The following MOK variants were observed in gnomAD, a reference collection of about 807,000 sequenced individuals.
The protein encoded by MOK is MOK protein kinase, also known as MAPK/MAK/MRK overlapping kinase.
MOK carries 59 observed loss-of-function variants against 54.2 expected under a neutral mutation model. That is an observed-to-expected ratio of 1.09 (90% confidence interval 0.88 to 1.35). MOK has a LOEUF of 1.35. Among genes scored for constraint, MOK ranks in the 40% most tolerant of loss-of-function variants. The pLI is 0.00. For synonymous variants in MOK, 210 were observed against 202.7 expected (o/e 1.04, Z -0.31); for missense variants, 517 against 526.2 (o/e 0.98, Z 0.17).
In MOK at chr14:102,230,889, T is replaced by C. The variant is rs2064630935; in HGVS notation, c.981+818A>G. Reference sequence around the variant, plus strand: ...GAAGGGGTTTCAGCAAGTCTGTCTTTCGGACATTCAAGTGGAGCTGTCAAA... The same window carrying C: ...GAAGGGGTTTCAGCAAGTCTGTCTTCCGGACATTCAAGTGGAGCTGTCAAA... On this transcript the variant is annotated intron_variant, in intron 10 of 11. Coordinates refer to ENST00000361847, the MANE Select transcript of MOK (RefSeq NM_014226.3). The surrounding 1 kb of genome is among the most constrained non-coding windows in gnomAD (Gnocchi z 4.1). The C allele has an allele frequency of 6.6e-6, 1 of 152,284 alleles. No homozygotes were observed. Among genetic ancestry groups the C allele is most frequent in the East Asian group, 1.9e-4 (1 of 5,194 alleles). The allele number at this position is 152,284 out of a possible 1,614,324, so 9.4% of individuals were successfully genotyped here. A position where few individuals can be genotyped will look rare whatever the true frequency, so the allele number is the denominator to read the frequency against.
chr14:102,266,459 T>C (rs1174292561), intron 2 of MOK, among the ~76,000 whole-genome samples: 1 of 151,780 alleles, frequency 6.6e-6, no homozygotes, highest in Non-Finnish European at 1.5e-5. Context: ...TGCATCCCAC[T>C]ATGCCCTCTC....
downstream of MOK, among the ~76,000 whole-genome samples, chr14:102,220,750 A>G: frequency 6.6e-6 from 1 of 151,758 alleles, no homozygotes; most frequent in South Asian, 2.1e-4. This position sits in a 1 kb window ranked among gnomAD's most constrained non-coding sequence, Gnocchi z 4.2. Context: ...AAATATTAAA[A>G]TTAATGTCAC....
intron 1 of MOK, among the ~76,000 whole-genome samples, chr14:102,286,298 CAAAAAAAAAAAAA>C (rs60479729): frequency 7.8e-5 from 2 of 25,586 alleles, no homozygotes; most frequent in Non-Finnish European, 1.6e-4. Flanking sequence ...GACTCCGTCT[CAAAAAAAAAAAAA>C]AAAAAAAAAA....
At position 102,251,770 on chromosome 14, in the gene MOK, T is replaced by C. The variant is rs2066546845; in HGVS notation, c.397A>G (p.Asn133Asp). ...GIFHRDVKPE[N>D]ILIKQDVLKL... Reference sequence around the variant, plus strand: ...AAAGCTCTTACCTTTATTAGTATATTTTCTGGTTTTACATCTCTGTGAAAT... The same window carrying C: ...AAAGCTCTTACCTTTATTAGTATATCTTCTGGTTTTACATCTCTGTGAAAT... Residue 133 changes from asparagine (N) to aspartate (D), a missense_variant, in exon 6 of 12, where the codon AAT becomes GAT. Coordinates refer to ENST00000361847, the MANE Select transcript of MOK (RefSeq NM_014226.3). 2 of 1,569,006 alleles carry C rather than the reference T, an allele frequency of 1.3e-6. No individual in the cohort carries two copies. Among genetic ancestry groups the C allele is most frequent in the Non-Finnish European group, 1.8e-6 (2 of 1,140,894 alleles).
intron 8 of MOK, 48 bp downstream of exon 8, chr14:102,233,640 C>T (rs775293523): frequency 2.2e-5 from 34 of 1,512,586 alleles, no homozygotes; most frequent in Non-Finnish European, 3.1e-5. Flanking sequence ...TGCTGCAGGT[C>T]CTAGCAGGGG....
At chr14:102,224,519 T>G (rs1322858562), downstream of MOK, 1 of 450,272 alleles carries the variant, frequency 2.2e-6, no homozygotes, top group African/African-American at 2.0e-5. Flanking sequence ...AGCTTTATTT[T>G]GTGAGACTTT....
Position 102,229,165 on chromosome 14 carries a change from G to C in MOK, c.*124C>G. The C allele has an allele frequency of 9.4e-7, 1 of 1,059,648 alleles. No homozygotes were observed. The highest frequency in any genetic ancestry group is 2.6e-5 in the East Asian group (1 of 38,814). 65.6% of individuals were successfully genotyped at this position (1,059,648 alleles called of 1,614,324 possible). A position where few individuals can be genotyped will look rare whatever the true frequency, so the allele number is the denominator to read the frequency against. On this transcript the variant is annotated 3_prime_UTR_variant, in exon 12 of 12. Coordinates refer to ENST00000361847, the MANE Select transcript of MOK (RefSeq NM_014226.3). ...GGCGCAGGGCAGCACCCAGAGCCCCGGCCAGCGCGAAACGGACGCAGGCGC... is the reference window on the plus strand; with the variant it reads ...GGCGCAGGGCAGCACCCAGAGCCCCCGCCAGCGCGAAACGGACGCAGGCGC...
At chr14:102,255,251 G>A (rs1377302587) in intron 4 of MOK, among the ~76,000 whole-genome samples, 1 of 152,172 alleles carries the variant, frequency 6.6e-6, no homozygotes, top group Admixed American at 6.5e-5. Context: ...CTGGGAGGCG[G>A]AGCTTGCAGT....
At chr14:102,224,505 C>T (rs886110250), downstream of MOK, 9 of 446,370 alleles carry the variant, frequency 2.0e-5, no homozygotes, top group Admixed American at 7.3e-5. Flanking sequence ...CTGGATCCTT[C>T]GAAAGCTTTA....
chr14:102,216,714 G>A, the MOK span, among the ~76,000 whole-genome samples: 1 of 152,142 alleles, frequency 6.6e-6, no homozygotes, highest in Non-Finnish European at 1.5e-5. Context: ...TGGATCACCT[G>A]AGCCCAGGAG....
At chr14:102,270,637 A>C (rs1177753076) in intron 2 of MOK, among the ~76,000 whole-genome samples, 1 of 152,136 alleles carries the variant, frequency 6.6e-6, no homozygotes, top group Non-Finnish European at 1.5e-5. Context: ...AGAGTATTAC[A>C]AATAACTGTA....
At chr14:102,224,810 A>G (rs563885462), downstream of MOK, 2 of 456,060 alleles carry the variant, frequency 4.4e-6, no homozygotes, top group Admixed American at 4.7e-5. Flanking sequence ...AAGAGAAATA[A>G]TAAAAGACAC....
intron 1 of MOK, among the ~76,000 whole-genome samples, chr14:102,289,853 T>C (rs1228397493): frequency 6.6e-6 from 1 of 152,060 alleles, no homozygotes; most frequent in African/African-American, 2.4e-5. Context: ...GTCTCCATAC[T>C]GTGAGGTGTA....
rs903096772 is a variant in MOK at position 102,236,863 on chromosome 14, C to T, written c.591-3074G>A. 6.6e-6 allele frequency among the ~76,000 whole-genome samples: 1 copy of T among 152,178 alleles called. No individual in the cohort carries two copies. Among genetic ancestry groups the T allele is most frequent in the African/African-American group, 2.4e-5 (1 of 41,426 alleles). ...GGCCAACACGTTCTTCATATAACAC[C>T]ACCATCCTCCTGGTTAAAAAATCAG... On this transcript the variant is annotated intron_variant, in intron 7 of 11. Transcript: ENST00000361847. This position sits in a 1 kb window ranked among gnomAD's most constrained non-coding sequence, Gnocchi z 4.5.
intron 1 of MOK, among the ~76,000 whole-genome samples, chr14:102,292,775 G>A (rs1396674302): frequency 1.3e-5 from 2 of 152,022 alleles, no homozygotes; most frequent in African/African-American, 4.8e-5. Context: ...AAAAAGCTTG[G>A]GGAATTAAAT....
intron 1 of MOK, among the ~76,000 whole-genome samples, chr14:102,291,685 G>A (rs970795917): frequency 4.6e-5 from 7 of 152,136 alleles, no homozygotes; most frequent in African/African-American, 7.2e-5. Context: ...AGCCAAGTGC[G>A]GTGGCTCACA....
At chr14:102,279,012 T>C (rs528246838) in intron 2 of MOK, among the ~76,000 whole-genome samples, 2 of 152,266 alleles carry the variant, frequency 1.3e-5, no homozygotes, top group African/African-American at 4.8e-5. Context: ...TTATCCCCAT[T>C]GTATAAAGAA....
chr14:102,304,749 C>G (rs1299466655), intron 1 of MOK, among the ~76,000 whole-genome samples: 2 of 152,206 alleles, frequency 1.3e-5, no homozygotes, highest in East Asian at 3.8e-4. Context: ...CCCAACCTAG[C>G]CCCAACCCCT....
chr14:102,286,930 T>C (rs2070179312), intron 1 of MOK, among the ~76,000 whole-genome samples: 1 of 149,856 alleles, frequency 6.7e-6, no homozygotes, highest in Non-Finnish European at 1.5e-5. Context: ...ATAATAATAA[T>C]AATAATAATA....
Sources: allele counts gnomAD v4.1 joint callset (sites outside exome capture counted in the v4.1 genomes callset), GRCh38; gene constraint gnomAD v4.1.1; non-coding constraint Gnocchi (gnomAD v3.1); transcripts MANE v1.5; gene names NCBI Gene and HGNC (gene_info 2026-07-23, HGNC 2026-07-21).